Variants in SCGN observed in about 807,000 individuals in gnomAD.
SCGN encodes secretagogin, EF-hand calcium binding protein.
Under a neutral mutation model 39.7 loss-of-function variants are expected in SCGN, and 30 were observed. The ratio of observed to expected loss-of-function variants is 0.76; its 90% confidence interval spans 0.57 to 1.03. The LOEUF is 1.03. Ranked by LOEUF, SCGN falls within the 50% of genes least tolerant of loss-of-function variation. The pLI is 0.00. For missense variants in SCGN, 353 were observed against 349.4 expected, an observed-to-expected ratio of 1.01 and a Z score of -0.08; for synonymous variants, 106 against 114.1, an observed-to-expected ratio of 0.93 and a Z score of 0.45.
rs1759720624 is a variant in SCGN, at chr6:25,687,519, A to T, written c.528-1653A>T. Among the ~76,000 whole-genome samples, 3 of 152,132 alleles carry T rather than the reference A, an allele frequency of 2.0e-5. No individual in the cohort carries two copies. The East Asian group carries it at 5.8e-4, about 29-fold the overall frequency. Reference sequence around the variant, plus strand: ...GTATAGAAATGTCATTGAATTTTTTATATTAATCTGGTATTCTGCCAACAT... The same window carrying T: ...GTATAGAAATGTCATTGAATTTTTTTTATTAATCTGGTATTCTGCCAACAT... On this transcript the variant is annotated intron_variant, in intron 7 of 10. Coordinates refer to ENST00000377961, the MANE Select transcript of SCGN (RefSeq NM_006998.4).
At chr6:25,684,510 T>G (rs955917498) in intron 7 of SCGN, among the ~76,000 whole-genome samples, 1 of 152,130 alleles carries the variant, frequency 6.6e-6, no homozygotes, top group Non-Finnish European at 1.5e-5. Context: ...TGTCCACGTC[T>G]TAGGCTGGGT....
Position 25,667,909 on chromosome 6 carries a change from A to T in SCGN, c.337-1602A>T, listed in dbSNP as rs115908139. On this transcript the variant is annotated intron_variant, in intron 4 of 10. Transcript: ENST00000377961. ...CTTAAAAAGCATGCAAAAAATTTTT[A>T]AAATTATTTGAAATTCTCATAGTTT... is the stretch of plus-strand genomic sequence containing the variant. Among the ~76,000 whole-genome samples, 1,488 of 152,368 alleles carry T rather than the reference A, an allele frequency of 9.8e-3. 30 individuals carry two copies. The highest frequency in any genetic ancestry group is 0.033 in the African/African-American group (1,363 of 41,582).
chr6:25,659,756 T>C (rs1402430073), intron 2 of SCGN, among the ~76,000 whole-genome samples: 1 of 152,206 alleles, frequency 6.6e-6, no homozygotes, highest in Non-Finnish European at 1.5e-5. Flanking sequence ...CTGTCTTCCC[T>C]GGGTTTTATG....
chr6:25,670,139 A>C, intron 6 of SCGN, 63 bp downstream of exon 6: 3 of 1,115,580 alleles, frequency 2.7e-6, no homozygotes, highest in Non-Finnish European at 1.4e-6. Flanking sequence ...CAGACCCCAG[A>C]AACAGTGTCT....
intron 4 of SCGN, among the ~76,000 whole-genome samples, chr6:25,669,281 T>C (rs1759458307): frequency 6.6e-6 from 1 of 152,176 alleles, no homozygotes. Context: ...CAATGGGCTT[T>C]CACTGAAACC....
At chr6:25,659,565 T>C (rs1232051165) in intron 2 of SCGN, among the ~76,000 whole-genome samples, 2 of 152,234 alleles carry the variant, frequency 1.3e-5, no homozygotes, top group African/African-American at 4.8e-5. Context: ...TCTTTATTCT[T>C]TTGCTTCTAA....
intron 10 of SCGN, among the ~76,000 whole-genome samples, chr6:25,698,263 T>A (rs1759863605): frequency 6.6e-6 from 1 of 152,118 alleles, no homozygotes; most frequent in South Asian, 2.1e-4. Context: ...CATCCCCTAA[T>A]ACACATGCAT....
At chr6:25,660,655 C>T (rs1016375842) in intron 2 of SCGN, among the ~76,000 whole-genome samples, 1 of 152,234 alleles carries the variant, frequency 6.6e-6, no homozygotes, top group Non-Finnish European at 1.5e-5. Context: ...ACCCAGAGAA[C>T]TGTCCTGTAC....
At chr6:25,658,642 AT>A (rs1464282144) in intron 2 of SCGN, among the ~76,000 whole-genome samples, 35 of 152,244 alleles carry the variant, frequency 2.3e-4, no homozygotes, top group Non-Finnish European at 7.4e-5. Flanking sequence ...TATAACTTTA[AT>A]TTTTTCACAA....
Position 25,664,959 on chromosome 6 carries a change from T to C in SCGN, c.263T>C (p.Leu88Ser). The C allele has an allele frequency of 6.2e-7, 1 of 1,613,888 alleles. No homozygotes were observed. The highest frequency in any genetic ancestry group is 8.5e-7 in the Non-Finnish European group (1 of 1,179,758). The change falls in exon 4 of 11, where the codon TTA becomes TCA. Residue 88 changes from leucine (L) to serine (S), a missense_variant. Leu to Ser is a moderately radical substitution (Grantham distance 145, BLOSUM62 -2). Coordinates refer to ENST00000377961, the MANE Select transcript of SCGN (RefSeq NM_006998.4). ...TTCCTTCAGCTTGCTGGTATGTTCTTATCTGAGGATGAAAACTTTCTTCTG... is the reference window on the plus strand; with the variant it reads ...TTCCTTCAGCTTGCTGGTATGTTCTCATCTGAGGATGAAAACTTTCTTCTG... The part of the protein sequence containing the change: ...IRMKELAGMF[L>S]SEDENFLLLF...
chr6:25,669,110 CA>C (rs3034251), intron 4 of SCGN, among the ~76,000 whole-genome samples: 49 of 137,728 alleles, frequency 3.6e-4, no homozygotes, highest in Non-Finnish European at 3.0e-4. Context: ...GACTCCGTCT[CA>C]AAAAAAAAAA....
intron 6 of SCGN, among the ~76,000 whole-genome samples, chr6:25,675,135 T>G (rs970719619): frequency 6.6e-6 from 1 of 152,224 alleles, no homozygotes. Context: ...GATAATATTA[T>G]CTAACGTTCT....
chr6:25,678,251 C>G (rs1028429674), intron 6 of SCGN, among the ~76,000 whole-genome samples: 27 of 152,096 alleles, frequency 1.8e-4, no homozygotes, highest in African/African-American at 6.5e-4. Context: ...GGCTCTTCAC[C>G]ACCTTTCAGC....
At chr6:25,683,893 G>C (rs536769486) in intron 7 of SCGN, among the ~76,000 whole-genome samples, 1 of 152,192 alleles carries the variant, frequency 6.6e-6, no homozygotes, top group Non-Finnish European at 1.5e-5. Flanking sequence ...CAAACCTTGA[G>C]TTTTATGCAA....
chr6:25,667,065 A>G (rs1240752690), intron 4 of SCGN, among the ~76,000 whole-genome samples: 1 of 152,150 alleles, frequency 6.6e-6, no homozygotes, highest in Non-Finnish European at 1.5e-5. Flanking sequence ...CAGAAACAAT[A>G]AGTAATTATC....
intron 2 of SCGN, among the ~76,000 whole-genome samples, chr6:25,657,714 T>TAC (rs1016612682): frequency 6.7e-6 from 1 of 149,486 alleles, no homozygotes; most frequent in African/African-American, 2.4e-5. Flanking sequence ...TGTGTGTGCA[T>TAC]ATATATATGA....
At chr6:25,689,559 G>A in intron 9 of SCGN, 27 bp downstream of exon 9, 2 of 1,599,006 alleles carry the variant, frequency 1.3e-6, no homozygotes, top group Non-Finnish European at 1.7e-6. Context: ...ATACTGTGCT[G>A]GCCATCTCTG....
In SCGN at chr6:25,669,772, C is replaced by T. The variant is rs551708752; in HGVS notation, c.393+205C>T. Among the ~76,000 whole-genome samples the T allele has an allele frequency of 1.1e-4, 16 of 152,218 alleles. No homozygotes were observed. In the East Asian group the frequency reaches 2.5e-3, roughly 24 times the overall value. ...CACATTGCTCTCTCTGGAAAAGAAG[C>T]ATAATTGAGCATTTATGATAACTTT... On this transcript the variant is annotated intron_variant, in intron 5 of 10. Coordinates refer to ENST00000377961, the MANE Select transcript of SCGN (RefSeq NM_006998.4).
chr6:25,661,953 A>G (rs1248948311), intron 3 of SCGN, among the ~76,000 whole-genome samples: 2 of 152,170 alleles, frequency 1.3e-5, no homozygotes, highest in Non-Finnish European at 2.9e-5. Flanking sequence ...TTGATCTACT[A>G]TTTGTCTCTT....
Sources: allele counts gnomAD v4.1 joint callset (sites outside exome capture counted in the v4.1 genomes callset), GRCh38; gene constraint gnomAD v4.1.1; transcripts MANE v1.5; gene names NCBI Gene and HGNC (gene_info 2026-07-23, HGNC 2026-07-21).